Variants in BCAR3 observed in about 807,000 individuals in gnomAD.
BCAR3 encodes breast cancer anti-estrogen resistance protein 3.
In BCAR3, 37 loss-of-function variants were observed where a neutral mutation model predicts 80.1. The observed-to-expected ratio is 0.46, with a 90% CI of 0.36 to 0.61. The LOEUF (loss-of-function observed/expected upper bound fraction) is 0.61. BCAR3 is among the 20% of genes least tolerant of loss of function. BCAR3 has a pLI of 0.00. For synonymous variants in BCAR3, 389 were observed against 418.9 expected, an observed-to-expected ratio of 0.93 and a Z score of 0.87; for missense variants, 978 against 1,068.2, an observed-to-expected ratio of 0.92 and a Z score of 1.18.
chr1:93,782,026 A>T (rs1292525013), intron 2 of BCAR3, among the ~76,000 whole-genome samples: 1 of 152,232 alleles, frequency 6.6e-6, no homozygotes, highest in East Asian at 1.9e-4. Flanking sequence ...AGGGAAACCC[A>T]GATCAATGTG....
In BCAR3 at chr1:93,586,904, A is replaced by G. The variant is rs1166722448; in HGVS notation, c.929+2073T>C. Among the ~76,000 whole-genome samples, 1 of 152,102 alleles carries G rather than the reference A, an allele frequency of 6.6e-6. No individual in the cohort carries two copies. The highest frequency in any genetic ancestry group is 1.5e-5 in the Non-Finnish European group (1 of 68,014). ...ATTCTCCTGCCTTAGCCTCCCTAGTAGCTGGGACTACAGGCGTGCACCACC... is the reference window on the plus strand; with the variant it reads ...ATTCTCCTGCCTTAGCCTCCCTAGTGGCTGGGACTACAGGCGTGCACCACC... On this transcript the variant is annotated intron_variant, in intron 5 of 11. Transcript: ENST00000260502. This position sits in a 1 kb window ranked among gnomAD's most constrained non-coding sequence, Gnocchi z 4.2.
intron 2 of BCAR3, among the ~76,000 whole-genome samples, chr1:93,817,583 A>G (rs1175239170): frequency 1.3e-5 from 2 of 152,162 alleles, no homozygotes; most frequent in African/African-American, 4.8e-5. Flanking sequence ...CTGGCTCTAA[A>G]GCCTGTGCCC....
intron 2 of BCAR3, among the ~76,000 whole-genome samples, chr1:93,774,595 T>G (rs552075120): frequency 6.6e-6 from 1 of 152,324 alleles, no homozygotes. Context: ...CTGAGACAGT[T>G]GACCATCACC....
chr1:93,740,655 C>T (rs1651144972), intron 2 of BCAR3, among the ~76,000 whole-genome samples: 1 of 152,140 alleles, frequency 6.6e-6, no homozygotes, highest in Admixed American at 6.5e-5. Context: ...CCCCAAAAAC[C>T]CTGATGCATC....
intron 2 of BCAR3, among the ~76,000 whole-genome samples, chr1:93,817,421 A>G (rs1374656910): frequency 6.6e-6 from 1 of 152,208 alleles, no homozygotes; most frequent in African/African-American, 2.4e-5. Flanking sequence ...TTTACATGTT[A>G]TATTATCTCA....
intron 3 of BCAR3, among the ~76,000 whole-genome samples, chr1:93,636,297 C>T (rs894648949): frequency 2.0e-5 from 3 of 152,200 alleles, no homozygotes; most frequent in Non-Finnish European, 4.4e-5. Flanking sequence ...CTTCTCCTAA[C>T]CTGCGCAACA....
chr1:93,676,431 C>T (rs1483108997), intron 1 of BCAR3, among the ~76,000 whole-genome samples: 1 of 152,176 alleles, frequency 6.6e-6, no homozygotes. Flanking sequence ...AGCATCTTTA[C>T]TGAAGGTGTA....
chr1:93,846,382 G>T (rs976105971), intron 1 of BCAR3, among the ~76,000 whole-genome samples: 1 of 152,210 alleles, frequency 6.6e-6, no homozygotes, highest in Non-Finnish European at 1.5e-5. Flanking sequence ...GGCGGGGCCG[G>T]GACTGCTGTG....
chr1:93,763,886 G>A (rs572133805), intron 2 of BCAR3, among the ~76,000 whole-genome samples: 13 of 152,224 alleles, frequency 8.5e-5, no homozygotes, highest in East Asian at 1.9e-4. Context: ...GAAGAGATGC[G>A]CACAATCAGT....
At chr1:93,610,200 T>C (rs1674908280) in intron 3 of BCAR3, among the ~76,000 whole-genome samples, 1 of 152,218 alleles carries the variant, frequency 6.6e-6, no homozygotes, top group Admixed American at 6.5e-5. Context: ...AAATACTTAT[T>C]AACCCCTGGT....
intron 2 of BCAR3, among the ~76,000 whole-genome samples, chr1:93,829,971 T>C (rs1654499455): frequency 6.6e-6 from 1 of 152,120 alleles, no homozygotes; most frequent in Non-Finnish European, 1.5e-5. Flanking sequence ...CAAGATCTGG[T>C]TGTTTAAAAA....
chr1:93,686,002 G>A (rs1648961561), upstream of BCAR3, among the ~76,000 whole-genome samples: 1 of 151,878 alleles, frequency 6.6e-6, no homozygotes, highest in Non-Finnish European at 1.5e-5. Context: ...TTCCACATTA[G>A]GAAGTTTAGC....
chr1:93,598,253 C>T (rs541743632), intron 3 of BCAR3, among the ~76,000 whole-genome samples: 6 of 152,162 alleles, frequency 3.9e-5, no homozygotes, highest in African/African-American at 2.4e-5. Context: ...GAAGACGGGA[C>T]GGGGAGGGGT....
intron 2 of BCAR3, among the ~76,000 whole-genome samples, chr1:93,750,169 C>CA (rs1651507671): frequency 6.6e-6 from 1 of 152,190 alleles, no homozygotes; most frequent in South Asian, 2.1e-4. Flanking sequence ...AAAGAGCAAA[C>CA]AGAGTTCTGA....
chr1:93,613,043 G>A (rs1201402993), intron 3 of BCAR3, among the ~76,000 whole-genome samples: 1 of 152,236 alleles, frequency 6.6e-6, no homozygotes, highest in Non-Finnish European at 1.5e-5. Context: ...CAGTCCCACA[G>A]GAGAGGGAGC....
intron 5 of BCAR3, 21 bp downstream of exon 5, chr1:93,588,956 G>A: frequency 6.5e-7 from 1 of 1,537,026 alleles, no homozygotes; most frequent in Non-Finnish European, 8.8e-7. Context: ...TCATAGTCCT[G>A]CAGAGGAGGC....
chr1:93,566,899 T>C (rs1353886794), intron 11 of BCAR3, among the ~76,000 whole-genome samples: 1 of 152,104 alleles, frequency 6.6e-6, no homozygotes, highest in African/African-American at 2.4e-5. Context: ...AGCTAATTTT[T>C]GTATTTCTAT....
intron 2 of BCAR3, among the ~76,000 whole-genome samples, chr1:93,759,316 C>T (rs1309637170): frequency 2.0e-5 from 3 of 152,184 alleles, no homozygotes; most frequent in South Asian, 2.1e-4. Context: ...AGGTTTTTAA[C>T]CCTCCAGTGT....
chr1:93,640,272 T>C (rs770293099), intron 3 of BCAR3, among the ~76,000 whole-genome samples: 9 of 152,200 alleles, frequency 5.9e-5, no homozygotes, highest in Non-Finnish European at 1.2e-4. Flanking sequence ...GATGGGTCCC[T>C]GGGTCCCCTT....
Sources: gnomAD v4.1 joint callset for allele counts (sites outside exome capture counted in the v4.1 genomes callset) on GRCh38, gnomAD v4.1.1 for gene constraint, Gnocchi (gnomAD v3.1) non-coding constraint, MANE v1.5 for transcripts, NCBI Gene and HGNC (gene_info 2026-07-23, HGNC 2026-07-21) for gene names.